HPGDS: variants seen among roughly 807,000 people sequenced by gnomAD.
HPGDS encodes the protein GST class-sigma.
Under a neutral mutation model 23.1 loss-of-function variants are expected in HPGDS, and 26 were observed. The observed-to-expected ratio is 1.13, with a 90% CI of 0.83 to 1.56. The LOEUF (loss-of-function observed/expected upper bound fraction) is 1.56, where lower values mean the gene tolerates loss of function less well. Among genes scored for constraint, HPGDS ranks in the 40% most tolerant of loss-of-function variants. The pLI, the probability that HPGDS is intolerant of heterozygous loss-of-function variation, is 0.00. For missense variants in HPGDS, 268 were observed against 236.4 expected (o/e 1.13, Z -0.88); for synonymous variants, 95 against 77.9 (o/e 1.22, Z -1.16).
chr4:94,315,317 G>T (rs1213371776), intron 3 of HPGDS, among the ~76,000 whole-genome samples: 1 of 152,104 alleles, frequency 6.6e-6, no homozygotes, highest in Non-Finnish European at 1.5e-5. Flanking sequence ...AGCCTCAACT[G>T]ATTAGGTTTA....
intron 2 of HPGDS, among the ~76,000 whole-genome samples, chr4:94,330,131 G>A (rs1230930652): frequency 2.6e-5 from 4 of 152,188 alleles, no homozygotes; most frequent in African/African-American, 7.2e-5. Flanking sequence ...GCAAATCAGG[G>A]AATATAAATG....
At chr4:94,303,793 G>T (rs183248678) in intron 4 of HPGDS, 5 of 152,024 alleles carry the variant, frequency 3.3e-5, no homozygotes, top group South Asian at 2.1e-4. Flanking sequence ...TTCTTCTAAC[G>T]TGCATTTCCA....
In HPGDS at chr4:94,308,622, G is replaced by A; in HGVS notation, c.336+12C>T. ...ATAATTAATACTAGGAATAGCAAATGGATCACATTACTTTCACATCTTGCT... is the reference window on the plus strand; with the variant it reads ...ATAATTAATACTAGGAATAGCAAATAGATCACATTACTTTCACATCTTGCT... On this transcript the variant is annotated intron_variant, in intron 4 of 5. Transcript: ENST00000295256. 1 of 1,424,280 alleles carries A rather than the reference G, an allele frequency of 7.0e-7. No homozygotes were observed. The highest frequency in any genetic ancestry group is 9.9e-7 in the Non-Finnish European group (1 of 1,011,972). The allele number at this position is 1,424,280 out of a possible 1,614,324, so 88.2% of individuals were successfully genotyped here.
intron 2 of HPGDS, 40 bp from the exon 3 acceptor site, chr4:94,318,005 A>G (rs1305773981): frequency 8.5e-7 from 1 of 1,171,138 alleles, no homozygotes. Context: ...TCATAACAAA[A>G]CCAGAAGTTA....
At chr4:94,301,580 T>A (rs905808962) in intron 5 of HPGDS, among the ~76,000 whole-genome samples, 5 of 152,186 alleles carry the variant, frequency 3.3e-5, no homozygotes, top group Non-Finnish European at 7.4e-5. Context: ...TACTTGACCT[T>A]ACTCACCTTA....
At position 94,302,260 on chromosome 4, in the gene HPGDS, A is replaced by T; in HGVS notation, c.337-16T>A. On this transcript the variant is annotated splice_polypyrimidine_tract_variant and intron_variant, in intron 4 of 5. Coordinates refer to ENST00000295256, the MANE Select transcript of HPGDS (RefSeq NM_014485.3). ...ACATCTGCTCCTAGGAGAAGGAGAAAATATCACTTTAAGAATAATGAGAAG... is the reference window on the plus strand; with the variant it reads ...ACATCTGCTCCTAGGAGAAGGAGAATATATCACTTTAAGAATAATGAGAAG... 6.4e-7 allele frequency: 1 copy of T among 1,553,352 alleles called. No homozygotes were observed. Among genetic ancestry groups the T allele is most frequent in the Non-Finnish European group, 8.9e-7 (1 of 1,128,198 alleles).
chr4:94,302,667 T>C (rs1325472997), intron 4 of HPGDS, among the ~76,000 whole-genome samples: 1 of 152,134 alleles, frequency 6.6e-6, no homozygotes, highest in Admixed American at 6.6e-5. Context: ...AAGGCTAGAC[T>C]CTTCTAGTTT....
intron 2 of HPGDS, among the ~76,000 whole-genome samples, chr4:94,333,574 A>G (rs1049000245): frequency 1.5e-4 from 23 of 152,342 alleles, no homozygotes; most frequent in African/African-American, 5.3e-4. Context: ...AAAATTTTAC[A>G]TTGCGTCTTT....
chr4:94,319,908 C>T lies in HPGDS; in HGVS notation c.134-1943G>A, dbSNP rs180898010. Among the ~76,000 whole-genome samples, 259 of 152,280 alleles carry T rather than the reference C, an allele frequency of 1.7e-3. 1 individual carries two copies. Among genetic ancestry groups the T allele is most frequent in the Non-Finnish European group, 1.4e-3 (97 of 68,028 alleles). On this transcript the variant is annotated intron_variant, in intron 2 of 5. Coordinates refer to ENST00000295256, the MANE Select transcript of HPGDS (RefSeq NM_014485.3). The stretch of plus-strand genomic sequence containing the variant: ...GTATATCTCCTAATACTATCCCTCC[C>T]CTCTACCCCCACCCTGCAACAGGCC...
intron 3 of HPGDS, among the ~76,000 whole-genome samples, chr4:94,313,025 G>A (rs1756311097): frequency 6.6e-6 from 1 of 151,922 alleles, no homozygotes; most frequent in African/African-American, 2.4e-5. Context: ...TTGAGCCTAT[G>A]TGTGTCTCTG....
At chr4:94,339,533 A>T (rs530482629) in intron 1 of HPGDS, among the ~76,000 whole-genome samples, 18 of 152,342 alleles carry the variant, frequency 1.2e-4, no homozygotes, top group Non-Finnish European at 1.9e-4. Context: ...TACCCTGGAT[A>T]AAAACTTAGA....
Position 94,324,725 on chromosome 4 carries a change from G to A in HPGDS, c.134-6760C>T, listed in dbSNP as rs141358025. ...AAACATCCTCCTTTAGCTCAGAGAAGTTTGTTACTACCGACCTTCTGAAGC... is the reference window on the plus strand; with the variant it reads ...AAACATCCTCCTTTAGCTCAGAGAAATTTGTTACTACCGACCTTCTGAAGC... On this transcript the variant is annotated intron_variant, in intron 2 of 5. Transcript: ENST00000295256. Among the ~76,000 whole-genome samples, 1,302 of 152,268 alleles carry A rather than the reference G, an allele frequency of 8.6e-3. 8 individuals carry two copies. The highest frequency in any genetic ancestry group is 0.054 in the Middle Eastern group (16 of 294).
chr4:94,301,031 T>A (rs1056697594), intron 5 of HPGDS, among the ~76,000 whole-genome samples: 3 of 152,016 alleles, frequency 2.0e-5, no homozygotes, highest in African/African-American at 7.2e-5. Context: ...TTCTTAGAAA[T>A]TTTTCAATAG....
intron 1 of HPGDS, among the ~76,000 whole-genome samples, chr4:94,337,375 A>G (rs1318099595): frequency 6.6e-6 from 1 of 152,086 alleles, no homozygotes; most frequent in African/African-American, 2.4e-5. Context: ...TCCCTTTAAT[A>G]TTAAAAGTTA....
At chr4:94,325,594 G>A (rs140230560) in intron 2 of HPGDS, among the ~76,000 whole-genome samples, 3,778 of 152,266 alleles carry the variant, frequency 0.025, 106 homozygotes, top group African/African-American at 0.075. Flanking sequence ...TGAGCCAGGC[G>A]TGGGATATAA....
intron 3 of HPGDS, among the ~76,000 whole-genome samples, chr4:94,311,866 G>A (rs1756280190): frequency 1.3e-5 from 2 of 151,272 alleles, no homozygotes; most frequent in African/African-American, 2.5e-5. Flanking sequence ...TTTAGCCTTG[G>A]GAGGGTGTAT....
chr4:94,320,811 G>T (rs1488098968), intron 2 of HPGDS, among the ~76,000 whole-genome samples: 1 of 152,110 alleles, frequency 6.6e-6, no homozygotes, highest in Non-Finnish European at 1.5e-5. Context: ...CATTGCTTTT[G>T]GTGTTTTAGT....
Position 94,340,848 on chromosome 4 carries a change from TC to T in HPGDS, c.-10+1946del, listed in dbSNP as rs761862102. On this transcript the variant is annotated intron_variant, in intron 1 of 5. Transcript: ENST00000295256. ...AAATTTTTTTCTTTTTTTTTTTCTT[TC>T]TTTTTTTTTTTTTGAGACGGAGTCT... is the stretch of plus-strand genomic sequence containing the variant. Among the ~76,000 whole-genome samples, 76 of 131,280 alleles carry T rather than the reference TC, an allele frequency of 5.8e-4. 11 individuals are homozygous for T. Among genetic ancestry groups the T allele is most frequent in the South Asian group, 5.6e-3 (22 of 3,962 alleles). The allele number at this position is 131,280 out of a possible 152,430, so 86.1% of individuals were successfully genotyped here. A position where few individuals can be genotyped will look rare whatever the true frequency, so the allele number is the denominator to read the frequency against.
chr4:94,331,430 A>G (rs1348151994), intron 2 of HPGDS, among the ~76,000 whole-genome samples: 1 of 152,192 alleles, frequency 6.6e-6, no homozygotes, highest in African/African-American at 2.4e-5. Flanking sequence ...TTTTTCTCAA[A>G]TATCTATTGA....
Sources: gnomAD v4.1 joint callset for allele counts (sites outside exome capture counted in the v4.1 genomes callset) on GRCh38, gnomAD v4.1.1 for gene constraint, MANE v1.5 for transcripts, NCBI Gene and HGNC (gene_info 2026-07-23, HGNC 2026-07-21) for gene names.